Variants in COL5A2 observed in about 807,000 individuals in gnomAD.
COL5A2 encodes the protein collagen alpha-2(V) chain.
In COL5A2, 23 loss-of-function variants were observed where a neutral mutation model predicts 208.2. The ratio of observed to expected loss-of-function variants is 0.11; its 90% CI spans 0.08 to 0.16. COL5A2 has a LOEUF of 0.16. Among genes scored for constraint, COL5A2 ranks in the 10% least tolerant of loss-of-function variants. The pLI is 1.00. For synonymous variants in COL5A2, 625 were observed against 628.5 expected, an observed-to-expected ratio of 0.99 and a Z score of 0.08; for missense variants, 1,590 against 1,956.4, an observed-to-expected ratio of 0.81 and a Z score of 3.53.
At chr2:189,287,414 C>T in the COL5A2 span, among the ~76,000 whole-genome samples, 3 of 151,496 alleles carry the variant, frequency 2.0e-5, no homozygotes, top group South Asian at 2.1e-4. Flanking sequence ...ACAGGATCAG[C>T]GACTTGGAAG....
chr2:189,181,045 T>C (rs1223182824), upstream of COL5A2, among the ~76,000 whole-genome samples: 1 of 152,170 alleles, frequency 6.6e-6, no homozygotes, highest in Non-Finnish European at 1.5e-5. Context: ...GGAACATATG[T>C]AGGTGTTGAG....
chr2:189,396,114 A>G, the COL5A2 span, among the ~76,000 whole-genome samples: 2 of 152,108 alleles, frequency 1.3e-5, no homozygotes, highest in African/African-American at 4.8e-5. Flanking sequence ...ATTTAGTCCC[A>G]ATTTCTCACT....
chr2:189,284,610 G>T, the COL5A2 span, among the ~76,000 whole-genome samples: 5 of 152,162 alleles, frequency 3.3e-5, no homozygotes, highest in African/African-American at 1.2e-4. Context: ...ACAATACATG[G>T]GGGGATTACA....
chr2:189,209,797 G>A (rs919322099), intron 1 of COL5A2, among the ~76,000 whole-genome samples: 7 of 152,260 alleles, frequency 4.6e-5, no homozygotes, highest in African/African-American at 1.7e-4. Flanking sequence ...ATCAGTTTGG[G>A]GTTCCTGATA....
At chr2:189,322,679 CAATT>C in the COL5A2 span, among the ~76,000 whole-genome samples, 5 of 151,758 alleles carry the variant, frequency 3.3e-5, no homozygotes, top group African/African-American at 4.8e-5. Flanking sequence ...ATTGAGGCAA[CAATT>C]AATAGCTTAG....
At chr2:189,359,077 T>C in the COL5A2 span, among the ~76,000 whole-genome samples, 91 of 152,336 alleles carry the variant, frequency 6.0e-4, 1 homozygote, top group East Asian at 0.016. Flanking sequence ...TTTTTACTGA[T>C]TGCTTTTGCT....
intron 8 of COL5A2, among the ~76,000 whole-genome samples, chr2:189,087,458 AT>A (rs1247507292): frequency 6.6e-6 from 1 of 151,842 alleles, no homozygotes; most frequent in Non-Finnish European, 1.5e-5. Flanking sequence ...TTAAAATCAA[AT>A]TTATTCTTTT....
At chr2:189,174,073 T>G (rs145812531) in intron 1 of COL5A2, among the ~76,000 whole-genome samples, 166 of 152,352 alleles carry the variant, frequency 1.1e-3, no homozygotes, top group African/African-American at 3.1e-3. Context: ...ACTGTATGAT[T>G]TTTAAAAACT....
At chr2:189,212,723 T>C (rs1007937737) in intron 1 of COL5A2, among the ~76,000 whole-genome samples, 57 of 148,436 alleles carry the variant, frequency 3.8e-4, no homozygotes, top group African/African-American at 1.4e-3. Flanking sequence ...GAAAGAAAAA[T>C]TGAATGGTAG....
chr2:189,269,452 C>T, the COL5A2 span, among the ~76,000 whole-genome samples: 77 of 151,992 alleles, frequency 5.1e-4, no homozygotes, highest in African/African-American at 1.2e-3. Context: ...GATGAAAGCG[C>T]GTTGAATTTT....
the COL5A2 span, among the ~76,000 whole-genome samples, chr2:189,354,065 T>TA: frequency 6.6e-6 from 1 of 152,316 alleles, no homozygotes; most frequent in East Asian, 1.9e-4. Flanking sequence ...TGGTTCTGTT[T>TA]AGGTGATGGA....
the COL5A2 span, among the ~76,000 whole-genome samples, chr2:189,319,048 C>T: frequency 6.6e-6 from 1 of 151,794 alleles, no homozygotes; most frequent in Non-Finnish European, 1.5e-5. Context: ...CCAGGGATGT[C>T]TATTTTAGAC....
At chr2:189,041,973 C>A (rs1685570926) in intron 49 of COL5A2, among the ~76,000 whole-genome samples, 2 of 152,138 alleles carry the variant, frequency 1.3e-5, no homozygotes, top group South Asian at 2.1e-4. Context: ...TTAAACCTCA[C>A]ATATTGTAAA....
At chr2:189,339,752 C>T in the COL5A2 span, among the ~76,000 whole-genome samples, 1 of 152,178 alleles carries the variant, frequency 6.6e-6, no homozygotes, top group Non-Finnish European at 1.5e-5. Context: ...GTTAGGCAAT[C>T]ACGACAGGTG....
At chr2:189,215,254 T>C (rs1689265029) in intron 1 of COL5A2, among the ~76,000 whole-genome samples, 1 of 152,112 alleles carries the variant, frequency 6.6e-6, no homozygotes, top group South Asian at 2.1e-4. Flanking sequence ...TCCCATATAC[T>C]AGGTACACCC....
chr2:189,240,378 G>A, the COL5A2 span, among the ~76,000 whole-genome samples: 24 of 152,184 alleles, frequency 1.6e-4, no homozygotes, highest in African/African-American at 5.5e-4. Context: ...TCTTTTATAA[G>A]GGCATGAATT....
the COL5A2 span, among the ~76,000 whole-genome samples, chr2:189,355,141 G>C: frequency 6.6e-6 from 1 of 152,208 alleles, no homozygotes; most frequent in African/African-American, 2.4e-5. Flanking sequence ...TGTGGTCTGA[G>C]AGACTGTTTG....
At chr2:189,334,429 T>G in the COL5A2 span, among the ~76,000 whole-genome samples, 1 of 151,996 alleles carries the variant, frequency 6.6e-6, no homozygotes, top group Non-Finnish European at 1.5e-5. Context: ...TATCCAAAAA[T>G]TAACTCTTTT....
chr2:189,416,481 T>C, the COL5A2 span, among the ~76,000 whole-genome samples: 1 of 152,112 alleles, frequency 6.6e-6, no homozygotes, highest in African/African-American at 2.4e-5. Context: ...AAACACCGCA[T>C]GTTCTCACTC....
Sources: allele counts gnomAD v4.1 joint callset (sites outside exome capture counted in the v4.1 genomes callset), GRCh38; gene constraint gnomAD v4.1.1; transcripts MANE v1.5; gene names NCBI Gene and HGNC (gene_info 2026-07-23, HGNC 2026-07-21).